The following ABLIM1 variants were observed in gnomAD, a reference collection of about 807,000 sequenced individuals.
ABLIM1 encodes the protein actin binding LIM protein 1, also known as actin-binding LIM protein 1.
ABLIM1 carries 40 observed loss-of-function variants against 107.0 expected under a neutral mutation model. The observed-to-expected ratio is 0.37, with a 90% CI of 0.29 to 0.49. The LOEUF is 0.49. Ranked by LOEUF, ABLIM1 falls within the 20% of genes least tolerant of loss-of-function variation. The probability of loss-of-function intolerance (pLI) is 0.97; values close to 1 mark genes in which losing one functional copy is unlikely to be tolerated. For missense variants in ABLIM1, 857 were observed against 1,008.5 expected (o/e 0.85, Z 2.04); for synonymous variants, 357 against 357.3 (o/e 1.00, Z 0.01).
the ABLIM1 span, among the ~76,000 whole-genome samples, chr10:114,783,063 C>A: frequency 1.3e-5 from 2 of 152,100 alleles, no homozygotes; most frequent in Non-Finnish European, 2.9e-5. Context: ...AGATGGATCA[C>A]TTGATGTCAG....
chr10:114,635,673 C>T (rs569850573), intron 1 of ABLIM1, among the ~76,000 whole-genome samples: 1 of 152,332 alleles, frequency 6.6e-6, no homozygotes, highest in South Asian at 2.1e-4. Context: ...TGCAGTGCGC[C>T]ACCACGCCTG....
chr10:114,737,983 C>T (rs1466697537), intron 1 of ABLIM1, among the ~76,000 whole-genome samples: 1 of 152,052 alleles, frequency 6.6e-6, no homozygotes. Context: ...TTTACTAAAA[C>T]CCATCAAATT....
intron 4 of ABLIM1, among the ~76,000 whole-genome samples, chr10:114,562,170 A>G (rs1488835403): frequency 6.6e-6 from 1 of 152,158 alleles, no homozygotes; most frequent in African/African-American, 2.4e-5. Context: ...AGAAAAGTGT[A>G]GCTGCTCTCC....
chr10:114,644,808 A>T (rs2078942703), intron 1 of ABLIM1, among the ~76,000 whole-genome samples: 1 of 152,230 alleles, frequency 6.6e-6, no homozygotes, highest in Admixed American at 6.5e-5. Context: ...GGCCAGGTGC[A>T]GGCATCACAG....
intron 2 of ABLIM1, among the ~76,000 whole-genome samples, chr10:114,585,744 C>T (rs892914141): frequency 6.6e-6 from 1 of 152,148 alleles, no homozygotes; most frequent in African/African-American, 2.4e-5. Context: ...CCCAGGCTCC[C>T]GGCCCCTCTC....
chr10:114,799,431 C>T, the ABLIM1 span, among the ~76,000 whole-genome samples: 1,330 of 152,316 alleles, frequency 8.7e-3, 18 homozygotes, highest in African/African-American at 0.03. Flanking sequence ...TTCAGCATCT[C>T]CATCTGGATA....
At chr10:114,607,569 A>G (rs1340564715) in intron 1 of ABLIM1, among the ~76,000 whole-genome samples, 2 of 152,240 alleles carry the variant, frequency 1.3e-5, no homozygotes, top group South Asian at 2.1e-4. Context: ...ATCAACAGTG[A>G]TAAGTCACGT....
rs752495040 is a variant in ABLIM1 at position 114,547,637 on chromosome 10, C to T, written c.800+13G>A. 5 of 1,613,202 alleles carry T rather than the reference C, an allele frequency of 3.1e-6. No individual in the cohort carries two copies. The Admixed American group carries it at 5.0e-5, about 16-fold the overall frequency. ...GCCCACTGAAAGGAACGCGTGCCCGCGCCCAGCCTTACTTGCTGATGTACT... is the reference window on the plus strand; with the variant it reads ...GCCCACTGAAAGGAACGCGTGCCCGTGCCCAGCCTTACTTGCTGATGTACT... On this transcript the variant is annotated intron_variant, in intron 5 of 22. Transcript: ENST00000533213.
chr10:114,712,849 C>G (rs547546280), intron 1 of ABLIM1, among the ~76,000 whole-genome samples: 1 of 152,158 alleles, frequency 6.6e-6, no homozygotes, highest in African/African-American at 2.4e-5. Context: ...AACCGTAGGG[C>G]AATGGATTGC....
At chr10:114,478,923 A>ATC (rs2056903534) in intron 8 of ABLIM1, among the ~76,000 whole-genome samples, 5 of 152,200 alleles carry the variant, frequency 3.3e-5, no homozygotes, top group Non-Finnish European at 7.3e-5. Context: ...AATTCTGTTT[A>ATC]CCTGTCTATA....
chr10:114,575,499 G>A lies in ABLIM1; in HGVS notation c.480C>T (p.Gly160=). 6.2e-7 allele frequency: 1 copy of A among 1,614,218 alleles called. No homozygotes were observed. Among genetic ancestry groups the A allele is most frequent in the African/African-American group, 1.3e-5 (1 of 75,048 alleles). The part of the protein sequence containing the change: ...YQRMYGTRCH[G]CGEFVEGEVV... The stretch of plus-strand genomic sequence containing the variant: ...CTTCGCCCTCCACGAACTCCCCACA[G>A]CCATGGCAGCGTGTCCCGTACATCC... Residue 160 remains glycine, a synonymous_variant, in exon 3 of 23, where the codon GGC becomes GGT. Transcript: ENST00000533213.
chr10:114,515,358 G>A (rs183593183), intron 6 of ABLIM1, among the ~76,000 whole-genome samples: 13 of 152,262 alleles, frequency 8.5e-5, no homozygotes, highest in East Asian at 3.9e-4. Context: ...GTGACATTCC[G>A]ATGGAATCTC....
intron 6 of ABLIM1, among the ~76,000 whole-genome samples, chr10:114,542,265 G>T (rs539226833): frequency 6.6e-6 from 1 of 151,948 alleles, no homozygotes; most frequent in African/African-American, 2.4e-5. Context: ...AACAAAATCA[G>T]TTGGGTGTGA....
rs1464553088 is a variant in ABLIM1 at position 114,433,681 on chromosome 10, C to T, written c.*2579G>A. 6.6e-6 allele frequency: 1 copy of T among 152,180 alleles called. No homozygotes were observed. The highest frequency in any genetic ancestry group is 1.5e-5 in the Non-Finnish European group (1 of 68,028). The allele number at this position is 152,180 out of a possible 1,614,324, so 9.4% of individuals were successfully genotyped here. A position where few individuals can be genotyped will look rare whatever the true frequency, so the allele number is the denominator to read the frequency against. On this transcript the variant is annotated 3_prime_UTR_variant, in exon 23 of 23. Transcript: ENST00000533213. ...TTTAGGGTTCAGTTCTTTATCACTG[C>T]AATCTTAGGCAGGCCCCTTAACTCC... is the stretch of plus-strand genomic sequence containing the variant.
At chr10:114,742,356 T>A (rs1313015413) in intron 1 of ABLIM1, among the ~76,000 whole-genome samples, 1 of 152,176 alleles carries the variant, frequency 6.6e-6, no homozygotes, top group African/African-American at 2.4e-5. Flanking sequence ...GGACTAAAAA[T>A]GGCCAAAAGT....
intron 4 of ABLIM1, among the ~76,000 whole-genome samples, chr10:114,571,064 T>A (rs1267796960): frequency 2.6e-5 from 4 of 152,244 alleles, no homozygotes; most frequent in Non-Finnish European, 2.9e-5. Flanking sequence ...TTAACAGGTA[T>A]AAGTTGGTAT....
intron 11 of ABLIM1, among the ~76,000 whole-genome samples, chr10:114,467,089 G>A (rs533532877): frequency 5.3e-5 from 8 of 152,246 alleles, no homozygotes; most frequent in Middle Eastern, 6.8e-3. Context: ...AACCCAGGAG[G>A]CAGAGGTTGC....
intron 2 of ABLIM1, among the ~76,000 whole-genome samples, chr10:114,601,290 G>A (rs927971572): frequency 4.7e-5 from 7 of 148,078 alleles, no homozygotes; most frequent in African/African-American, 1.7e-4. Context: ...TTAAGACGGA[G>A]TCTCACTCTT....
At position 114,444,161 on chromosome 10, in the gene ABLIM1, A is replaced by AAG. The variant is rs765783618; in HGVS notation, c.1828-28_1828-27insCT. 4 of 1,516,148 alleles carry AAG rather than the reference A, an allele frequency of 2.6e-6. No homozygotes were observed. In the East Asian group the frequency reaches 9.1e-5, roughly 35 times the overall value. 93.9% of individuals were successfully genotyped at this position (1,516,148 alleles called of 1,614,324 possible). A position where few individuals can be genotyped will look rare whatever the true frequency, so the allele number is the denominator to read the frequency against. Reference sequence around the variant, plus strand: ...TATTCACAGAAAAAAGGAAAAAAAAAAAAAAAAGAAAGCAAAGCTTGCAAT... The same window carrying AAG: ...TATTCACAGAAAAAAGGAAAAAAAAAAGAAAAAAAGAAAGCAAAGCTTGCAAT... On this transcript the variant is annotated intron_variant, in intron 16 of 22. Transcript: ENST00000533213.
Sources: gnomAD v4.1 joint callset for allele counts (sites outside exome capture counted in the v4.1 genomes callset) on GRCh38, gnomAD v4.1.1 for gene constraint, MANE v1.5 for transcripts, NCBI Gene and HGNC (gene_info 2026-07-23, HGNC 2026-07-21) for gene names.